Variants in CLK3 observed in about 807,000 individuals in gnomAD.
CLK3 encodes the protein CDC like kinase 3, also known as dual specificity protein kinase CLK3.
CLK3 carries 24 observed loss-of-function variants against 65.2 expected under a neutral mutation model. The ratio of observed to expected loss-of-function variants is 0.37; its 90% CI spans 0.27 to 0.52. The LOEUF (loss-of-function observed/expected upper bound fraction) is 0.52, where lower values mean the gene tolerates loss of function less well. Ranked by LOEUF, CLK3 falls within the 20% of genes least tolerant of loss-of-function variation. The pLI is 0.92. For synonymous variants in CLK3, 252 were observed against 240.8 expected (o/e 1.05, Z -0.43); for missense variants, 506 against 660.0 (o/e 0.77, Z 2.56).
intron 1 of CLK3, among the ~76,000 whole-genome samples, chr15:74,616,197 G>A (rs1018765763): frequency 6.6e-6 from 1 of 152,234 alleles, no homozygotes; most frequent in Non-Finnish European, 1.5e-5. Flanking sequence ...GGGGTCCGAC[G>A]TAGAAGAGCC....
intron 3 of CLK3, chr15:74,620,506 G>A (rs1223315286): frequency 3.7e-6 from 2 of 544,382 alleles, no homozygotes; most frequent in Non-Finnish European, 6.6e-6. Context: ...TCCAGACAAA[G>A]GCCACGTGGT....
intron 1 of CLK3, among the ~76,000 whole-genome samples, chr15:74,616,227 C>T (rs941986226): frequency 3.9e-5 from 6 of 152,248 alleles, no homozygotes; most frequent in Non-Finnish European, 7.3e-5. Context: ...CTTCAGACCC[C>T]TCCCCTACCC....
rs2062093083 is a variant in CLK3, at chr15:74,620,456, A to G, written c.369+231A>G. The G allele has an allele frequency of 9.4e-5, 60 of 637,642 alleles. No homozygotes were observed. The South Asian group carries it at 1.2e-3, about 12-fold the overall frequency. The allele number at this position is 637,642 out of a possible 1,614,324, so 39.5% of individuals were successfully genotyped here. On this transcript the variant is annotated intron_variant, in intron 3 of 12. Transcript: ENST00000395066. Reference sequence around the variant, plus strand: ...GGCAACTGTAGGAACTCTGGCTCCGATGCTGGCTGGCCCCTGGCCTGTCTA... The same window carrying G: ...GGCAACTGTAGGAACTCTGGCTCCGGTGCTGGCTGGCCCCTGGCCTGTCTA...
chr15:74,615,830 G>A (rs1424867525), upstream of CLK3: 2 of 1,247,848 alleles, frequency 1.6e-6, no homozygotes, highest in Admixed American at 4.1e-5. Flanking sequence ...GGCGGAGGTC[G>A]CAGCCGGAAG....
At chr15:74,612,583 C>T (rs1036174151), upstream of CLK3, among the ~76,000 whole-genome samples, 5 of 152,152 alleles carry the variant, frequency 3.3e-5, no homozygotes, top group African/African-American at 7.2e-5. Flanking sequence ...CCTCTACCAC[C>T]CCCACCCTGA....
chr15:74,615,584 G>A (rs1388343008), upstream of CLK3: 3 of 1,265,046 alleles, frequency 2.4e-6, no homozygotes, highest in Non-Finnish European at 2.0e-6. Flanking sequence ...GGCCCGGGCC[G>A]CGCACCTGTC....
chr15:74,612,364 A>C (rs2062000415), upstream of CLK3, among the ~76,000 whole-genome samples: 1 of 151,938 alleles, frequency 6.6e-6, no homozygotes. Flanking sequence ...CCTCTCACCC[A>C]CCAGCTTGGT....
Position 74,622,044 on chromosome 15 carries a change from T to G in CLK3, c.370-76T>G. The G allele has an allele frequency of 7.1e-7, 1 of 1,405,642 alleles. No individual in the cohort carries two copies. The highest frequency in any genetic ancestry group is 1.0e-6 in the Non-Finnish European group (1 of 993,020). The allele number at this position is 1,405,642 out of a possible 1,614,324, so 87.1% of individuals were successfully genotyped here. A position where few individuals can be genotyped will look rare whatever the true frequency, so the allele number is the denominator to read the frequency against. On this transcript the variant is annotated intron_variant, in intron 3 of 12. Transcript: ENST00000395066. This position sits in a 1 kb window ranked among gnomAD's most constrained non-coding sequence, Gnocchi z 4.6. ...CACCGTCTCCACCTCTGCCTTTGAC[T>G]GACACCTCAATCTGTCAATCGGAAC...
In CLK3 at chr15:74,627,935, C is replaced by T. The variant is rs373269574; in HGVS notation, c.1043-35C>T. On this transcript the variant is annotated intron_variant, in intron 9 of 12. Coordinates refer to ENST00000395066, the MANE Select transcript of CLK3 (RefSeq NM_001130028.2). This position sits in a 1 kb window ranked among gnomAD's most constrained non-coding sequence, Gnocchi z 4.3. The stretch of plus-strand genomic sequence containing the variant: ...GACTTCCAGGCTGGAAGCATAAGGC[C>T]GGATCTCACAGCCTCTCCCCATCTT... 126 of 1,529,110 alleles carry T rather than the reference C, an allele frequency of 8.2e-5. No individual in the cohort carries two copies. The African/African-American group carries it at 9.7e-4, about 12-fold the overall frequency. The allele number at this position is 1,529,110 out of a possible 1,614,324, so 94.7% of individuals were successfully genotyped here.
rs377590393 is a variant in CLK3, at chr15:74,619,187, C to T, written c.1-10C>T. 1.9e-5 allele frequency: 30 copies of T among 1,613,310 alleles called. No homozygotes were observed. The highest frequency in any genetic ancestry group is 4.5e-5 in the East Asian group (2 of 44,894). On this transcript the variant is annotated splice_polypyrimidine_tract_variant and intron_variant, in intron 1 of 12. Coordinates refer to ENST00000395066, the MANE Select transcript of CLK3 (RefSeq NM_001130028.2). Reference sequence around the variant, plus strand: ...GTGTTTAGCAGGGCTCTCTGTTCCTCGTGGCCTAGATGCATCACTGTAAGC... The same window carrying T: ...GTGTTTAGCAGGGCTCTCTGTTCCTTGTGGCCTAGATGCATCACTGTAAGC...
At position 74,629,867 on chromosome 15, in the gene CLK3, G is replaced by A. The variant is rs776802676; in HGVS notation, c.1457G>A (p.Arg486His). The change falls in exon 13 of 13, where the codon CGC (arginine) becomes CAC (histidine). Residue 486 changes from arginine to histidine, a missense_variant. By Grantham distance (29) the Arg-to-His change is conservative. This residue lies in a region of CLK3 where 325 missense variants were observed against 500.5 expected (regional missense o/e 0.65). Transcript: ENST00000395066. The part of the protein sequence containing the change: ...TPEERSFHTS[R>H]NPSR ...GAGGAGCGGTCCTTCCACACCAGCCGCAACCCAAGCAGATGACAGGCACAG... is the reference window on the plus strand; with the variant it reads ...GAGGAGCGGTCCTTCCACACCAGCCACAACCCAAGCAGATGACAGGCACAG... The A allele has an allele frequency of 2.5e-6, 4 of 1,608,824 alleles. No homozygotes were observed. The highest frequency in any genetic ancestry group is 2.2e-5 in the South Asian group (2 of 90,214).
chr15:74,611,087 G>A (rs1471121303), upstream of CLK3, among the ~76,000 whole-genome samples: 1 of 152,140 alleles, frequency 6.6e-6, no homozygotes, highest in Non-Finnish European at 1.5e-5. Context: ...GGGGCCACAG[G>A]GACCCTGGCC....
chr15:74,621,405 C>T lies in CLK3; in HGVS notation c.370-715C>T, dbSNP rs2062102350. 6.0e-6 allele frequency: 1 copy of T among 167,076 alleles called. No homozygotes were observed. Among genetic ancestry groups the T allele is most frequent in the Non-Finnish European group, 1.3e-5 (1 of 76,056 alleles). The allele number at this position is 167,076 out of a possible 1,614,324, so 10.3% of individuals were successfully genotyped here. On this transcript the variant is annotated intron_variant, in intron 3 of 12. Coordinates refer to ENST00000395066, the MANE Select transcript of CLK3 (RefSeq NM_001130028.2). The surrounding 1 kb of genome is among the most constrained non-coding windows in gnomAD (Gnocchi z 4.8). ...TAGGAAGCCTGGCAGTCGACTGGCC[C>T]AGAGGATCCCAGGCTGCTTTCCTTC...
At chr15:74,625,124 C>T in intron 6 of CLK3, 106 bp downstream of exon 6, 2 of 798,488 alleles carry the variant, frequency 2.5e-6, no homozygotes, top group South Asian at 3.2e-5. Flanking sequence ...TCTCCCCACA[C>T]TCAGAACCAG....
upstream of CLK3, chr15:74,615,646 G>C: frequency 8.0e-7 from 1 of 1,250,432 alleles, no homozygotes; most frequent in Non-Finnish European, 1.0e-6. Context: ...GGCCGGGCCA[G>C]GCTCGTCCCC....
In CLK3 at chr15:74,621,594, G is replaced by T. The variant is rs1396008703; in HGVS notation, c.370-526G>T. ...GGCGAACAGAGGCAGGCAAGGACAG[G>T]CTGGGCATTCTGCAGCTGAAGCCGG... On this transcript the variant is annotated intron_variant, in intron 3 of 12. Transcript: ENST00000395066. The surrounding 1 kb of genome is among the most constrained non-coding windows in gnomAD (Gnocchi z 4.8). The T allele has an allele frequency of 4.3e-6, 1 of 230,790 alleles. No individual in the cohort carries two copies. 14.3% of individuals were successfully genotyped at this position (230,790 alleles called of 1,614,324 possible).
upstream of CLK3, among the ~76,000 whole-genome samples, chr15:74,611,920 C>A (rs1169444030): frequency 6.6e-6 from 1 of 152,218 alleles, no homozygotes; most frequent in Admixed American, 6.5e-5. Context: ...AACCCTTCAA[C>A]CCTGATCCTC....
At chr15:74,629,405 T>C (rs1433604154) in intron 12 of CLK3, 1 of 535,764 alleles carries the variant, frequency 1.9e-6, no homozygotes, top group Non-Finnish European at 3.4e-6. Context: ...CAACTGCATT[T>C]GGTGCTCGGA....
chr15:74,615,346 T>G, upstream of CLK3: 3 of 1,039,502 alleles, frequency 2.9e-6, no homozygotes, highest in Non-Finnish European at 3.7e-6. Context: ...CACACCAAGA[T>G]AATAATGTGT....
Sources: gnomAD v4.1 joint callset for allele counts (sites outside exome capture counted in the v4.1 genomes callset) on GRCh38, gnomAD v4.1.1 for gene constraint, gnomAD v4.1.1 regional missense constraint, Gnocchi (gnomAD v3.1) non-coding constraint, MANE v1.5 for transcripts, NCBI Gene and HGNC (gene_info 2026-07-23, HGNC 2026-07-21) for gene names.